The following FOXN3 variants were observed in gnomAD, a reference collection of about 807,000 sequenced individuals.
FOXN3 encodes the protein forkhead box N3, also known as forkhead box protein N3.
A neutral mutation model predicts 38.4 loss-of-function variants in FOXN3; 7 were observed. The observed-to-expected ratio is 0.18, with a 90% CI of 0.10 to 0.34. The LOEUF is 0.34. Ranked by LOEUF, FOXN3 falls within the 10% of genes least tolerant of loss-of-function variation. The pLI is 1.00. For missense variants in FOXN3, 456 were observed against 613.4 expected (o/e 0.74, Z 2.71); for synonymous variants, 230 against 242.2 (o/e 0.95, Z 0.47).
intron 4 of FOXN3, among the ~76,000 whole-genome samples, chr14:89,262,542 A>C (rs913820796): frequency 1.3e-5 from 2 of 152,200 alleles, no homozygotes; most frequent in Non-Finnish European, 2.9e-5. Context: ...TCAAGAGTTA[A>C]ACTAGTCAAA....
chr14:89,365,329 T>C lies in FOXN3; in HGVS notation c.544-14521A>G, dbSNP rs145950097. 1.9e-3 allele frequency among the ~76,000 whole-genome samples: 290 copies of C among 152,304 alleles called. 2 individuals are homozygous for C. Among genetic ancestry groups the C allele is most frequent in the African/African-American group, 6.5e-3 (271 of 41,556 alleles). ...ACTCTCTACACTATTGTTTCCCAAG[T>C]GCCAAAAGCAGTCAAGAGCTAGCAC... On this transcript the variant is annotated intron_variant, in intron 2 of 5. Transcript: ENST00000557258.
intron 2 of FOXN3, among the ~76,000 whole-genome samples, chr14:89,410,553 T>C (rs1171116549): frequency 6.6e-6 from 1 of 152,172 alleles, no homozygotes; most frequent in East Asian, 1.9e-4. Flanking sequence ...AGCTGCCCAA[T>C]TTCTACGAAA....
chr14:89,180,046 C>A (rs960489193), intron 5 of FOXN3, among the ~76,000 whole-genome samples: 1 of 152,096 alleles, frequency 6.6e-6, no homozygotes, highest in African/African-American at 2.4e-5. Context: ...AAGCAGCTGG[C>A]GGATGGGAGG....
chr14:89,439,127 G>A (rs746096604), intron 1 of FOXN3, among the ~76,000 whole-genome samples: 16 of 152,136 alleles, frequency 1.1e-4, no homozygotes, highest in Non-Finnish European at 1.3e-4. Context: ...CACAAAGCCT[G>A]CATCCAACCC....
chr14:89,326,831 T>A (rs1888095900), intron 3 of FOXN3, among the ~76,000 whole-genome samples: 1 of 152,174 alleles, frequency 6.6e-6, no homozygotes, highest in Non-Finnish European at 1.5e-5. Context: ...GTAAGTGGCA[T>A]AAAGTAGGAA....
rs1178424052 is a variant in FOXN3, at chr14:89,161,242, T to C, written c.*1172A>G. ...TGATTTTTGCAAAGATAAATCCTGA[T>C]ATTAATTGCAAACTCCATTTTGAGG... On this transcript the variant is annotated 3_prime_UTR_variant, in exon 6 of 6. Coordinates refer to ENST00000557258, the MANE Select transcript of FOXN3 (RefSeq NM_005197.4). 1 of 152,566 alleles carries C rather than the reference T, an allele frequency of 6.6e-6. No individual in the cohort carries two copies. Among genetic ancestry groups the C allele is most frequent in the Non-Finnish European group, 1.5e-5 (1 of 68,036 alleles). 9.5% of individuals were successfully genotyped at this position (152,566 alleles called of 1,614,324 possible).
chr14:89,583,355 T>C (rs987919367), intron 1 of FOXN3, among the ~76,000 whole-genome samples: 1 of 152,222 alleles, frequency 6.6e-6, no homozygotes, highest in Non-Finnish European at 1.5e-5. Context: ...AATGCCGCTA[T>C]AGAGGGGCTT....
intron 1 of FOXN3, among the ~76,000 whole-genome samples, chr14:89,507,144 AAAAG>A (rs1314970065): frequency 6.6e-6 from 1 of 152,032 alleles, no homozygotes; most frequent in African/African-American, 2.4e-5. Context: ...GAAAAAAAAA[AAAAG>A]AAACACTGTC....
At chr14:89,314,269 T>C (rs1447784638) in intron 3 of FOXN3, among the ~76,000 whole-genome samples, 1 of 152,138 alleles carries the variant, frequency 6.6e-6, no homozygotes. Context: ...AATTAGAAAA[T>C]ACAATAAGCT....
chr14:89,286,481 G>T (rs745852582), intron 3 of FOXN3, among the ~76,000 whole-genome samples: 9 of 152,134 alleles, frequency 5.9e-5, no homozygotes, highest in Non-Finnish European at 1.0e-4. Flanking sequence ...TTAAGCAACC[G>T]AGCACAGAGT....
chr14:89,239,106 G>GC (rs900784824), intron 4 of FOXN3, among the ~76,000 whole-genome samples: 2 of 152,116 alleles, frequency 1.3e-5, no homozygotes, highest in Non-Finnish European at 1.5e-5. Flanking sequence ...AATTCACTCC[G>GC]CCCCCCTCTT....
intron 3 of FOXN3, among the ~76,000 whole-genome samples, chr14:89,310,345 A>G (rs891713252): frequency 6.6e-6 from 1 of 152,148 alleles, no homozygotes; most frequent in Non-Finnish European, 1.5e-5. Flanking sequence ...CAACACAGAG[A>G]AGAGATTCTG....
intron 3 of FOXN3, among the ~76,000 whole-genome samples, chr14:89,315,475 A>C (rs1298882863): frequency 6.6e-6 from 1 of 152,104 alleles, no homozygotes; most frequent in Non-Finnish European, 1.5e-5. Context: ...CCAACTAACG[A>C]ATCTGGGTGT....
intron 3 of FOXN3, among the ~76,000 whole-genome samples, chr14:89,297,969 A>T (rs1381853890): frequency 2.0e-5 from 3 of 152,230 alleles, no homozygotes; most frequent in Admixed American, 2.0e-4. Context: ...TGGGTGACAG[A>T]CAGAGAACAT....
intron 4 of FOXN3, among the ~76,000 whole-genome samples, chr14:89,206,947 C>G (rs1165144262): frequency 6.6e-6 from 1 of 152,050 alleles, no homozygotes; most frequent in Non-Finnish European, 1.5e-5. Context: ...TAGAGGGGAG[C>G]AGAGGGGAAA....
chr14:89,466,306 C>T (rs1412515133), intron 1 of FOXN3, among the ~76,000 whole-genome samples: 6 of 152,168 alleles, frequency 3.9e-5, no homozygotes, highest in Admixed American at 1.3e-4. Flanking sequence ...CCAGACCTCC[C>T]GGGGGCCGCC....
intron 1 of FOXN3, among the ~76,000 whole-genome samples, chr14:89,537,124 T>TA (rs1894705521): frequency 6.6e-6 from 1 of 152,242 alleles, no homozygotes; most frequent in East Asian, 1.9e-4. Flanking sequence ...GGTGTTGGTT[T>TA]ATGTGTCTGA....
At chr14:89,178,505 A>G (rs1887584205) in intron 5 of FOXN3, among the ~76,000 whole-genome samples, 1 of 152,058 alleles carries the variant, frequency 6.6e-6, no homozygotes, top group Non-Finnish European at 1.5e-5. Context: ...CTGTCTCCCT[A>G]CTGAACCTGT....
chr14:89,503,234 T>C (rs1366760443), intron 1 of FOXN3, among the ~76,000 whole-genome samples: 4 of 152,144 alleles, frequency 2.6e-5, no homozygotes, highest in Non-Finnish European at 5.9e-5. Flanking sequence ...CAAACTCTTT[T>C]GCAGAAAATT....
Sources: gnomAD v4.1 joint callset for allele counts (sites outside exome capture counted in the v4.1 genomes callset) on GRCh38, gnomAD v4.1.1 for gene constraint, MANE v1.5 for transcripts, NCBI Gene and HGNC (gene_info 2026-07-23, HGNC 2026-07-21) for gene names.